The following CCS variants were observed in gnomAD, a reference collection of about 807,000 sequenced individuals.
The protein encoded by CCS is copper chaperone for superoxide dismutase, also known as superoxide dismutase copper chaperone.
Under a neutral mutation model 35.5 loss-of-function variants are expected in CCS, and 32 were observed. That is an observed-to-expected ratio of 0.90 (90% CI 0.68 to 1.21). CCS has a LOEUF of 1.21. Among genes scored for constraint, CCS ranks in the 50% most tolerant of loss-of-function variants. The pLI is 0.00. For synonymous variants in CCS, 130 were observed against 147.2 expected, an observed-to-expected ratio of 0.88 and a Z score of 0.84; for missense variants, 342 against 375.4, an observed-to-expected ratio of 0.91 and a Z score of 0.73.
chr11:66,596,720 A>G (rs1309995086), intron 2 of CCS, among the ~76,000 whole-genome samples: 1 of 152,156 alleles, frequency 6.6e-6, no homozygotes, highest in South Asian at 2.1e-4. Flanking sequence ...GACCTCACAG[A>G]GCTCCTGCCC....
chr11:66,597,981 TG>T (rs1410435842), intron 2 of CCS, among the ~76,000 whole-genome samples: 1 of 151,032 alleles, frequency 6.6e-6, no homozygotes, highest in African/African-American at 2.4e-5. Context: ...CCAGGCGCAG[TG>T]GCTCACGCCT....
At chr11:66,604,629 C>T (rs1229817332) in intron 5 of CCS, among the ~76,000 whole-genome samples, 1 of 152,220 alleles carries the variant, frequency 6.6e-6, no homozygotes, top group Non-Finnish European at 1.5e-5. Context: ...TGTTCTGTAT[C>T]TGGGCCCCCA....
intron 5 of CCS, 30 bp from the exon 6 acceptor site, chr11:66,605,309 C>A: frequency 6.2e-7 from 1 of 1,613,768 alleles, no homozygotes; most frequent in Non-Finnish European, 8.5e-7. Flanking sequence ...TGGCACACAT[C>A]CCCTATACAC....
In CCS at chr11:66,593,670, A is replaced by G. The variant is rs1858422519; in HGVS notation, c.68A>G (p.Gln23Arg). 1 of 1,614,150 alleles carries G rather than the reference A, an allele frequency of 6.2e-7. No individual in the cohort carries two copies. Reference protein sequence around the residue: ...TLEFAVQMTCQSCVDAVRKSL... With the variant: ...TLEFAVQMTCRSCVDAVRKSL... Reference sequence around the variant, plus strand: ...GAGTTCGCGGTGCAGATGACCTGTCAGAGCTGTGTGGACGCGGTGCGCAAA... The same window carrying G: ...GAGTTCGCGGTGCAGATGACCTGTCGGAGCTGTGTGGACGCGGTGCGCAAA... The change falls in exon 2 of 8, where the codon CAG becomes CGG. Residue 23 changes from glutamine (Q) to arginine (R), a missense_variant. Coordinates refer to ENST00000533244, the MANE Select transcript of CCS (RefSeq NM_005125.2).
In CCS at chr11:66,598,083, C is replaced by CA. The variant is rs111850375; in HGVS notation, c.113-1020dup. ...TGGGTGACACAGCGAGACTCTGTCT[C>CA]AAAAAAAAAAAAAGAAAAAAAATTC... On this transcript the variant is annotated intron_variant, in intron 2 of 7. Transcript: ENST00000533244. Among the ~76,000 whole-genome samples the CA allele has an allele frequency of 5.6e-3, 625 of 111,948 alleles. 2 individuals are homozygous for CA. The highest frequency in any genetic ancestry group is 0.014 in the African/African-American group (444 of 30,654). 73.4% of individuals were successfully genotyped at this position (111,948 alleles called of 152,430 possible).
intron 2 of CCS, among the ~76,000 whole-genome samples, chr11:66,597,350 C>T (rs777537475): frequency 4.6e-5 from 7 of 151,518 alleles, no homozygotes; most frequent in Admixed American, 2.6e-4. Context: ...CCCAGCTACT[C>T]GGGAGGCTGA....
chr11:66,603,670 C>A (rs1351279954), intron 5 of CCS, among the ~76,000 whole-genome samples: 2 of 152,184 alleles, frequency 1.3e-5, no homozygotes, highest in Admixed American at 6.6e-5. Context: ...CATTGTGAAA[C>A]CCCGTCTCTA....
Position 66,599,737 on chromosome 11 carries a change from C to T in CCS, c.428+101C>T, listed in dbSNP as rs1858543280. 5 of 1,119,872 alleles carry T rather than the reference C, an allele frequency of 4.5e-6. No individual in the cohort carries two copies. In the East Asian group the frequency reaches 1.3e-4, roughly 30 times the overall value. 69.4% of individuals were successfully genotyped at this position (1,119,872 alleles called of 1,614,324 possible). On this transcript the variant is annotated intron_variant, in intron 4 of 7. Transcript: ENST00000533244. ...AGGCACATACACACAGGCACAACCT[C>T]CAGATGAGGAAACTGAGGCTCACAG...
At position 66,605,907 on chromosome 11, in the gene CCS, C is replaced by T; in HGVS notation, c.*52C>T. 6.9e-7 allele frequency: 1 copy of T among 1,450,294 alleles called. No homozygotes were observed. Among genetic ancestry groups the T allele is most frequent in the Non-Finnish European group, 9.1e-7 (1 of 1,102,140 alleles). The allele number at this position is 1,450,294 out of a possible 1,614,324, so 89.8% of individuals were successfully genotyped here. A position where few individuals can be genotyped will look rare whatever the true frequency, so the allele number is the denominator to read the frequency against. On this transcript the variant is annotated 3_prime_UTR_variant, in exon 8 of 8. Coordinates refer to ENST00000533244, the MANE Select transcript of CCS (RefSeq NM_005125.2). ...TGTCCTCCAGGGCGAGCACTTTCCACTTCCAGAGGGGGCCAGAGGGACTTT... is the reference window on the plus strand; with the variant it reads ...TGTCCTCCAGGGCGAGCACTTTCCATTTCCAGAGGGGGCCAGAGGGACTTT...
chr11:66,605,153 G>T, intron 5 of CCS, 186 bp from the exon 6 acceptor site: 1 of 1,532,808 alleles, frequency 6.5e-7, no homozygotes, highest in Non-Finnish European at 8.7e-7. Context: ...TCCACTTCCA[G>T]ACAGGGCCAA....
chr11:66,599,724 A>C, intron 4 of CCS, 88 bp downstream of exon 4: 1 of 1,231,412 alleles, frequency 8.1e-7, no homozygotes, highest in Non-Finnish European at 1.1e-6. Context: ...GCACATACAC[A>C]CAGGCACAAC....
chr11:66,605,453 G>A lies in CCS; in HGVS notation c.568-36G>A, dbSNP rs761514002. 7 of 1,613,750 alleles carry A rather than the reference G, an allele frequency of 4.3e-6. No individual in the cohort carries two copies. The African/African-American group carries it at 9.3e-5, about 22-fold the overall frequency. ...AAGAAGGTGGGCACCCTTCCTAACA[G>A]GGTCCATCATCTGAAGCTGTCGTCT... On this transcript the variant is annotated intron_variant, in intron 6 of 7. Coordinates refer to ENST00000533244, the MANE Select transcript of CCS (RefSeq NM_005125.2).
At chr11:66,598,689 G>A (rs917920538) in intron 2 of CCS, among the ~76,000 whole-genome samples, 10 of 151,490 alleles carry the variant, frequency 6.6e-5, no homozygotes, top group African/African-American at 1.2e-4. Flanking sequence ...TCAGCACTTC[G>A]TTCCTGAATA....
At chr11:66,601,459 A>G (rs1458983517) in intron 5 of CCS, among the ~76,000 whole-genome samples, 3 of 152,160 alleles carry the variant, frequency 2.0e-5, no homozygotes, top group Non-Finnish European at 2.9e-5. Flanking sequence ...AAACCATGGT[A>G]TGTGTTGCTT....
chr11:66,604,154 C>T (rs980822516), intron 5 of CCS, among the ~76,000 whole-genome samples: 2 of 150,802 alleles, frequency 1.3e-5, no homozygotes, highest in Non-Finnish European at 3.0e-5. Flanking sequence ...TGCTTGAACC[C>T]GGGAAGCAGA....
chr11:66,599,728 G>A, intron 4 of CCS, 92 bp downstream of exon 4: 1 of 1,203,036 alleles, frequency 8.3e-7, no homozygotes, highest in Non-Finnish European at 1.2e-6. Flanking sequence ...ATACACACAG[G>A]CACAACCTCC....
Position 66,599,607 on chromosome 11 carries a change from G to T in CCS, c.399G>T (p.Gln133His), listed in dbSNP as rs772680331. The T allele has an allele frequency of 6.2e-7, 1 of 1,610,976 alleles. No individual in the cohort carries two copies. The highest frequency in any genetic ancestry group is 8.5e-7 in the Non-Finnish European group (1 of 1,179,104). The change falls in exon 4 of 8, where the codon CAG (glutamine) becomes CAT (histidine). Residue 133 changes from glutamine (Q) to histidine (H), a missense_variant. Transcript: ENST00000533244. ...GGCTGCATGGACTCCACGTCCATCA[G>T]TACGGGGACCTTACAAACAACTGCA... Reference protein sequence around the residue: ...EPGLHGLHVHQYGDLTNNCNS... With the variant: ...EPGLHGLHVHHYGDLTNNCNS...
chr11:66,605,879 T>A lies in CCS; in HGVS notation c.*24T>A. On this transcript the variant is annotated 3_prime_UTR_variant, in exon 8 of 8. Transcript: ENST00000533244. ...GAGCAGGACCTCACCTTGGCTCTGT[T>A]GCTGTCCTCCAGGGCGAGCACTTTC... The A allele has an allele frequency of 6.7e-7, 1 of 1,493,718 alleles. No homozygotes were observed. The highest frequency in any genetic ancestry group is 8.9e-7 in the Non-Finnish European group (1 of 1,122,990). 92.5% of individuals were successfully genotyped at this position (1,493,718 alleles called of 1,614,324 possible).
At chr11:66,594,113 C>A (rs1858432030) in intron 2 of CCS, among the ~76,000 whole-genome samples, 1 of 152,184 alleles carries the variant, frequency 6.6e-6, no homozygotes, top group Admixed American at 6.5e-5. Flanking sequence ...AATCCCAGCA[C>A]TTTGGGAGGC....
Sources: gnomAD v4.1 joint callset for allele counts (sites outside exome capture counted in the v4.1 genomes callset) on GRCh38, gnomAD v4.1.1 for gene constraint, MANE v1.5 for transcripts, NCBI Gene and HGNC (gene_info 2026-07-23, HGNC 2026-07-21) for gene names.